LHFPL6: variants seen among roughly 807,000 people sequenced by gnomAD.
The protein encoded by LHFPL6 is LHFPL tetraspan subfamily member 6 protein.
Under a neutral mutation model 20.6 loss-of-function variants are expected in LHFPL6, and 9 were observed. That is an observed-to-expected ratio of 0.44 (90% CI 0.26 to 0.76). The LOEUF (loss-of-function observed/expected upper bound fraction) is 0.76, where lower values mean the gene tolerates loss of function less well. LHFPL6 is among the 30% of genes least tolerant of loss of function. The pLI is 0.20. For missense variants in LHFPL6, 218 were observed against 253.5 expected, an observed-to-expected ratio of 0.86 and a Z score of 0.95; for synonymous variants, 105 against 98.7, an observed-to-expected ratio of 1.06 and a Z score of -0.38.
At chr13:39,383,644 T>C (rs1870493969) in intron 2 of LHFPL6, among the ~76,000 whole-genome samples, 1 of 152,228 alleles carries the variant, frequency 6.6e-6, no homozygotes, top group Admixed American at 6.5e-5. Flanking sequence ...TGGTGCTTGT[T>C]AAGAATCAAA....
chr13:39,569,273 C>T (rs1871837347), intron 2 of LHFPL6, among the ~76,000 whole-genome samples: 1 of 152,100 alleles, frequency 6.6e-6, no homozygotes, highest in African/African-American at 2.4e-5. Flanking sequence ...AATGTCTTTG[C>T]AAACCTATTT....
At chr13:39,396,849 T>TAA (rs1301981209) in intron 2 of LHFPL6, among the ~76,000 whole-genome samples, 2 of 151,728 alleles carry the variant, frequency 1.3e-5, no homozygotes, top group Non-Finnish European at 2.9e-5. Flanking sequence ...CACACATACA[T>TAA]ACACACACAC....
intron 2 of LHFPL6, among the ~76,000 whole-genome samples, chr13:39,422,367 C>G (rs914969141): frequency 2.6e-5 from 4 of 152,104 alleles, no homozygotes; most frequent in Non-Finnish European, 5.9e-5. Context: ...GGCGGATCAT[C>G]TGATGTCAGG....
At chr13:39,452,483 A>G (rs1872475694) in intron 2 of LHFPL6, among the ~76,000 whole-genome samples, 1 of 152,226 alleles carries the variant, frequency 6.6e-6, no homozygotes, top group South Asian at 2.1e-4. Flanking sequence ...GAAAACCACA[A>G]TTGCCTATGT....
intron 2 of LHFPL6, among the ~76,000 whole-genome samples, chr13:39,557,907 G>A (rs149458360): frequency 2.0e-5 from 3 of 152,264 alleles, no homozygotes; most frequent in East Asian, 3.9e-4. Flanking sequence ...GAGTCTTGGA[G>A]CTCCCCCTTT....
chr13:39,555,941 TCTCA>T (rs1234117282), intron 2 of LHFPL6, among the ~76,000 whole-genome samples: 1 of 152,090 alleles, frequency 6.6e-6, no homozygotes. Context: ...GTAAGTGAGT[TCTCA>T]CTCAATTAGT....
chr13:39,476,640 TAATTTA>T (rs561411495), intron 2 of LHFPL6, among the ~76,000 whole-genome samples: 501 of 152,342 alleles, frequency 3.3e-3, no homozygotes, highest in Non-Finnish European at 5.0e-3. Flanking sequence ...GCTTCCAATA[TAATTTA>T]TATCAACTAC....
At chr13:39,479,964 T>C (rs1868448414) in intron 2 of LHFPL6, among the ~76,000 whole-genome samples, 1 of 152,224 alleles carries the variant, frequency 6.6e-6, no homozygotes, top group Non-Finnish European at 1.5e-5. Context: ...TACTATTTCA[T>C]AGCGCGACTT....
intron 2 of LHFPL6, among the ~76,000 whole-genome samples, chr13:39,464,700 C>CTTTTTT (rs57418375): frequency 2.2e-5 from 3 of 137,912 alleles, no homozygotes; most frequent in Non-Finnish European, 3.2e-5. Context: ...AAAGCACAGT[C>CTTTTTT]TTTTTTTTTT....
chr13:39,516,975 C>T (rs745532275), intron 2 of LHFPL6, among the ~76,000 whole-genome samples: 1 of 152,134 alleles, frequency 6.6e-6, no homozygotes, highest in African/African-American at 2.4e-5. Flanking sequence ...AAATCTTCCA[C>T]GTTGGAAGCA....
chr13:39,548,407 T>G (rs1022281582), intron 2 of LHFPL6, among the ~76,000 whole-genome samples: 2 of 152,066 alleles, frequency 1.3e-5, no homozygotes, highest in Non-Finnish European at 2.9e-5. Flanking sequence ...TGGAAAAGAC[T>G]AGTGACCTTT....
Position 39,397,927 on chromosome 13 carries a change from T to TG in LHFPL6, c.386-19402_386-19401insC, listed in dbSNP as rs60110260. On this transcript the variant is annotated intron_variant, in intron 2 of 3. Transcript: ENST00000379589. ...GACTTTGTGTGTGTGTGTGTGTGTG[T>TG]TTGTGTGCATTTGTGTAGAGAGAGA... Among the ~76,000 whole-genome samples, 582 of 152,126 alleles carry TG rather than the reference T, an allele frequency of 3.8e-3. 3 individuals carry two copies. Among genetic ancestry groups the TG allele is most frequent in the African/African-American group, 0.013 (557 of 41,490 alleles).
intron 2 of LHFPL6, among the ~76,000 whole-genome samples, chr13:39,394,106 A>T (rs1273632435): frequency 6.6e-6 from 1 of 152,092 alleles, no homozygotes; most frequent in Non-Finnish European, 1.5e-5. Context: ...ACACCCAGCT[A>T]GTTTTTTATG....
At chr13:39,427,005 T>TA (rs1211330016) in intron 2 of LHFPL6, among the ~76,000 whole-genome samples, 2 of 151,710 alleles carry the variant, frequency 1.3e-5, no homozygotes, top group Admixed American at 6.6e-5. Flanking sequence ...TTTATTTATT[T>TA]AAAAAAATAT....
chr13:39,496,169 A>G (rs985055812), intron 2 of LHFPL6, among the ~76,000 whole-genome samples: 2 of 152,172 alleles, frequency 1.3e-5, no homozygotes, highest in Non-Finnish European at 2.9e-5. Flanking sequence ...TAACTTATAA[A>G]CAACAGAAAT....
chr13:39,439,580 A>G (rs1872057706), intron 2 of LHFPL6, among the ~76,000 whole-genome samples: 1 of 152,186 alleles, frequency 6.6e-6, no homozygotes, highest in Non-Finnish European at 1.5e-5. Context: ...CCCTGCCCAA[A>G]TATCATGCCA....
At chr13:39,465,260 GC>G (rs57099154) in intron 2 of LHFPL6, among the ~76,000 whole-genome samples, 13,359 of 151,974 alleles carry the variant, frequency 0.088, 1,176 homozygotes, top group East Asian at 0.51. Context: ...TGTTAAAGTG[GC>G]TGTACCAATA....
intron 3 of LHFPL6, 48 bp downstream of exon 3, chr13:39,378,380 G>T: frequency 6.7e-7 from 1 of 1,486,710 alleles, no homozygotes; most frequent in Non-Finnish European, 9.4e-7. Context: ...TGAAACATCA[G>T]ATAAGGTTCT....
At chr13:39,365,532 C>T (rs371443515) in intron 3 of LHFPL6, among the ~76,000 whole-genome samples, 4 of 152,140 alleles carry the variant, frequency 2.6e-5, no homozygotes, top group African/African-American at 9.7e-5. Context: ...TGGTAAATTA[C>T]AATCTGTTGA....
Sources: allele counts gnomAD v4.1 joint callset (sites outside exome capture counted in the v4.1 genomes callset), GRCh38; gene constraint gnomAD v4.1.1; transcripts MANE v1.5; gene names NCBI Gene and HGNC (gene_info 2026-07-23, HGNC 2026-07-21).